INVS: variants seen among roughly 807,000 people sequenced by gnomAD.
INVS encodes inversion of embryo turning homolog.
A neutral mutation model predicts 108.8 loss-of-function variants in INVS; 86 were observed. The ratio of observed to expected loss-of-function variants is 0.79; its 90% CI spans 0.66 to 0.95. The LOEUF is 0.95. Among genes scored for constraint, INVS ranks in the 40% least tolerant of loss-of-function variants. The pLI is 0.00. For synonymous variants in INVS, 455 were observed against 473.5 expected, an observed-to-expected ratio of 0.96 and a Z score of 0.51; for missense variants, 1,169 against 1,297.4, an observed-to-expected ratio of 0.90 and a Z score of 1.52.
chr9:100,210,346 T>C (rs1830797884), intron 3 of INVS, among the ~76,000 whole-genome samples: 1 of 152,204 alleles, frequency 6.6e-6, no homozygotes, highest in South Asian at 2.1e-4. Context: ...GACAAATTGA[T>C]TGGAAGGAGT....
chr9:100,278,975 T>G (rs1833196518), intron 12 of INVS, among the ~76,000 whole-genome samples: 1 of 152,262 alleles, frequency 6.6e-6, no homozygotes, highest in Non-Finnish European at 1.5e-5. Flanking sequence ...ACCATGATTC[T>G]GTAAACTTCT....
At chr9:100,174,699 G>C (rs1829653324) in intron 3 of INVS, among the ~76,000 whole-genome samples, 1 of 151,994 alleles carries the variant, frequency 6.6e-6, no homozygotes, top group Non-Finnish European at 1.5e-5. Flanking sequence ...GACCACCTGA[G>C]GTCAGGAGTT....
intron 14 of INVS, among the ~76,000 whole-genome samples, chr9:100,293,398 A>C (rs991285117): frequency 6.6e-6 from 1 of 152,258 alleles, no homozygotes; most frequent in Non-Finnish European, 1.5e-5. Context: ...TCTGTAAAAC[A>C]GGATTTAATA....
intron 3 of INVS, among the ~76,000 whole-genome samples, chr9:100,180,987 A>G (rs1829871293): frequency 6.6e-6 from 1 of 152,208 alleles, no homozygotes; most frequent in Non-Finnish European, 1.5e-5. Flanking sequence ...ACACAAATCA[A>G]TAAACATAAT....
At chr9:100,237,501 G>GA (rs1452444282) in intron 5 of INVS, among the ~76,000 whole-genome samples, 2 of 152,144 alleles carry the variant, frequency 1.3e-5, no homozygotes, top group African/African-American at 4.8e-5. Flanking sequence ...GCACCCTAGG[G>GA]AATCTCCTAG....
intron 3 of INVS, among the ~76,000 whole-genome samples, chr9:100,220,297 C>T (rs1372551913): frequency 2.0e-5 from 3 of 151,968 alleles, no homozygotes; most frequent in Non-Finnish European, 4.4e-5. Context: ...TGGAGAAAAT[C>T]TAAGTGTCAT....
chr9:100,240,211 G>A lies in INVS; in HGVS notation c.767G>A (p.Arg256Gln), dbSNP rs745950323. 20 of 1,613,634 alleles carry A rather than the reference G, an allele frequency of 1.2e-5. No homozygotes were observed. The highest frequency in any genetic ancestry group is 4.4e-5 in the South Asian group (4 of 91,078). ...ATAACGTCTTATGATAACTTATTTC[G>A]AACCCCACTGCACTGGGCAGCTTTA... ...CNITSYDNLF[R>Q]TPLHWAALLG... The change falls in exon 6 of 17, where the codon CGA becomes CAA. Residue 256 changes from arginine to glutamine, a missense_variant. Physicochemically the swap from Arg to Gln is conservative, Grantham distance 43. This residue lies in a region of INVS where 365 missense variants were observed against 397.5 expected (regional missense o/e 0.92). Coordinates refer to ENST00000262457, the MANE Select transcript of INVS (RefSeq NM_014425.5).
intron 3 of INVS, among the ~76,000 whole-genome samples, chr9:100,219,612 T>C (rs567375499): frequency 2.4e-4 from 36 of 152,316 alleles, no homozygotes; most frequent in African/African-American, 8.2e-4. Flanking sequence ...GTTTCAGAAA[T>C]TCTTATGTAC....
chr9:100,264,831 G>A lies in INVS; in HGVS notation c.1474G>A (p.Ala492Thr). 6.2e-7 allele frequency: 1 copy of A among 1,612,042 alleles called. No homozygotes were observed. The change falls in exon 11 of 17, where the codon GCT becomes ACT. Residue 492 changes from alanine (A) to threonine (T), a missense_variant. This residue lies in a region of INVS where 271 missense variants were observed against 363.8 expected (regional missense o/e 0.74). Transcript: ENST00000262457. ...TTGTTTATGCTTATAGGGAAGAACA[G>A]CTTTGCATTGGTCCTGCAACAATGG... ...PNIQDKEGRT[A>T]LHWSCNNGYL...
chr9:100,299,623 G>A (rs1354248572), intron 16 of INVS, among the ~76,000 whole-genome samples: 2 of 110,570 alleles, frequency 1.8e-5, no homozygotes, highest in African/African-American at 3.7e-5. Flanking sequence ...AATCTCAGCA[G>A]AGCCTTTTAT....
At chr9:100,211,731 A>C (rs1830837970) in intron 3 of INVS, among the ~76,000 whole-genome samples, 1 of 152,210 alleles carries the variant, frequency 6.6e-6, no homozygotes, top group African/African-American at 2.4e-5. Context: ...GAACTATTTC[A>C]AGCCAGAGAG....
intron 3 of INVS, among the ~76,000 whole-genome samples, chr9:100,213,676 A>C (rs1380062772): frequency 2.0e-5 from 3 of 152,198 alleles, no homozygotes; most frequent in African/African-American, 7.2e-5. Flanking sequence ...CAACACAGCA[A>C]AAAGAATGAG....
At chr9:100,271,953 C>T (rs1832970436) in intron 11 of INVS, among the ~76,000 whole-genome samples, 1 of 151,936 alleles carries the variant, frequency 6.6e-6, no homozygotes, top group Non-Finnish European at 1.5e-5. Flanking sequence ...ACTGCTGCCT[C>T]CACCTCCTGG....
At chr9:100,297,895 T>C (rs773894282) in intron 15 of INVS, 41 bp from the exon 16 acceptor site, 2 of 1,607,410 alleles carry the variant, frequency 1.2e-6, no homozygotes, top group South Asian at 1.1e-5. Context: ...GCCAAACGTA[T>C]CCCTGGCCAA....
intron 3 of INVS, among the ~76,000 whole-genome samples, chr9:100,209,769 C>CA (rs58556710): frequency 0.024 from 1,740 of 72,268 alleles, 64 homozygotes; most frequent in Middle Eastern, 0.034. Flanking sequence ...GACTCCGTCT[C>CA]AAAAAAAAAA....
chr9:100,118,557 G>T (rs936550050), intron 2 of INVS, among the ~76,000 whole-genome samples: 7 of 152,052 alleles, frequency 4.6e-5, no homozygotes, highest in African/African-American at 1.7e-4. Flanking sequence ...CTTTGTTACA[G>T]CAGCTTGAAC....
At chr9:100,280,974 A>G (rs2118709309) in intron 12 of INVS, among the ~76,000 whole-genome samples, 1 of 152,330 alleles carries the variant, frequency 6.6e-6, no homozygotes, top group Middle Eastern at 3.4e-3. Flanking sequence ...ACAATGAGCT[A>G]TGATTGCACC....
chr9:100,290,860 A>C (rs1833590344), intron 13 of INVS, among the ~76,000 whole-genome samples: 1 of 151,924 alleles, frequency 6.6e-6, no homozygotes, highest in Non-Finnish European at 1.5e-5. Flanking sequence ...ACAGGCATGC[A>C]CTACCATGTC....
rs772227287 is a variant in INVS, at chr9:100,296,919, A to G, written c.2789A>G (p.Tyr930Cys). ...AAVIQRAWRS[Y>C]QLRKHLSHLR... The stretch of plus-strand genomic sequence containing the variant: ...CTCCTCTCCTCTGACCCAACCAGCT[A>G]CCAGCTCAGGAAGCACCTGTCCCAC... Residue 930 changes from tyrosine to cysteine, a missense_variant and splice_region_variant, in exon 15 of 17, where the codon TAC becomes TGC. Physicochemically the swap from Tyr to Cys is radical, Grantham distance 194. Coordinates refer to ENST00000262457, the MANE Select transcript of INVS (RefSeq NM_014425.5). 35 of 1,613,744 alleles carry G rather than the reference A, an allele frequency of 2.2e-5. No individual in the cohort carries two copies. Among genetic ancestry groups the G allele is most frequent in the Non-Finnish European group, 2.9e-5 (34 of 1,179,782 alleles).
Sources: gnomAD v4.1 joint callset for allele counts (sites outside exome capture counted in the v4.1 genomes callset) on GRCh38, gnomAD v4.1.1 for gene constraint, gnomAD v4.1.1 regional missense constraint, MANE v1.5 for transcripts, NCBI Gene and HGNC (gene_info 2026-07-23, HGNC 2026-07-21) for gene names.